The following GLUD1 variants were observed in gnomAD, a reference collection of about 807,000 sequenced individuals.
The protein encoded by GLUD1 is glutamate dehydrogenase 1.
A neutral mutation model predicts 56.0 loss-of-function variants in GLUD1; 22 were observed. That is an observed-to-expected ratio of 0.39 (90% CI 0.28 to 0.56). The LOEUF is 0.56. GLUD1 is among the 20% of genes least tolerant of loss of function. The pLI, the probability that GLUD1 is intolerant of heterozygous loss-of-function variation, is 0.58. For synonymous variants in GLUD1, 223 were observed against 269.9 expected (o/e 0.83, Z 1.70); for missense variants, 451 against 732.0 (o/e 0.62, Z 4.43).
At chr10:87,057,445 C>T (rs564330077) in intron 11 of GLUD1, among the ~76,000 whole-genome samples, 69 of 152,294 alleles carry the variant, frequency 4.5e-4, no homozygotes, top group African/African-American at 1.6e-3. Flanking sequence ...AATAATCCTT[C>T]ACTGTTAAAA....
intron 4 of GLUD1, among the ~76,000 whole-genome samples, chr10:87,070,886 T>C (rs1294320905): frequency 6.6e-6 from 1 of 151,926 alleles, no homozygotes; most frequent in Non-Finnish European, 1.5e-5. Flanking sequence ...TCCTAGCACT[T>C]TGGGAGGCCG....
chr10:87,080,863 C>A (rs1463008275), intron 1 of GLUD1, among the ~76,000 whole-genome samples: 1 of 150,754 alleles, frequency 6.6e-6, no homozygotes. Flanking sequence ...GTCAGCCCCC[C>A]GCCCGGCCAG....
At chr10:87,074,017 TA>T (rs916733442) in intron 4 of GLUD1, among the ~76,000 whole-genome samples, 4 of 151,702 alleles carry the variant, frequency 2.6e-5, no homozygotes, top group East Asian at 1.9e-4. Context: ...CCTTCTAGAT[TA>T]AAAAAAATAT....
At chr10:87,074,332 C>T (rs1846322969) in intron 4 of GLUD1, among the ~76,000 whole-genome samples, 1 of 152,092 alleles carries the variant, frequency 6.6e-6, no homozygotes, top group African/African-American at 2.4e-5. Flanking sequence ...AAAGCCCCAT[C>T]TCCAGTAAAA....
At chr10:87,081,946 C>CAAAAAAAAAAAAAA (rs71019464) in intron 1 of GLUD1, among the ~76,000 whole-genome samples, 11 of 85,636 alleles carry the variant, frequency 1.3e-4, no homozygotes, top group East Asian at 4.8e-4. Flanking sequence ...ATGATCAATA[C>CAAAAAAAAAAAAAA]AAAAAAAAAA....
In GLUD1 at chr10:87,071,727, G is replaced by A. The variant is rs542382770; in HGVS notation, c.646+2824C>T. Among the ~76,000 whole-genome samples the A allele has an allele frequency of 1.7e-4, 26 of 152,254 alleles. No individual in the cohort carries two copies. In the East Asian group the frequency reaches 2.9e-3, roughly 17 times the overall value. ...CAAAAGCTTTTCCAAAAGCAGAAGA[G>A]GAAGGAACACTCCTCAACTCATTCC... On this transcript the variant is annotated intron_variant, in intron 4 of 12. Transcript: ENST00000277865.
intron 3 of GLUD1, 56 bp from the exon 4 acceptor site, chr10:87,074,670 A>T: frequency 1.1e-6 from 1 of 933,984 alleles, no homozygotes; most frequent in Non-Finnish European, 1.8e-6. Flanking sequence ...ATCGCTTGAG[A>T]TTATAGCTAG....
intron 12 of GLUD1, 34 bp downstream of exon 12, chr10:87,053,308 C>G (rs1845687674): frequency 6.8e-7 from 1 of 1,479,952 alleles, no homozygotes; most frequent in African/African-American, 1.4e-5. Flanking sequence ...CTTCATGTGA[C>G]TAGCTGGAAG....
At chr10:87,055,528 T>C (rs1214880193) in intron 11 of GLUD1, among the ~76,000 whole-genome samples, 1 of 152,168 alleles carries the variant, frequency 6.6e-6, no homozygotes, top group Non-Finnish European at 1.5e-5. Flanking sequence ...GTCCTTCCGA[T>C]GCACTGCTAG....
chr10:87,074,121 A>G (rs1360252441), intron 4 of GLUD1, among the ~76,000 whole-genome samples: 1 of 152,196 alleles, frequency 6.6e-6, no homozygotes, highest in Non-Finnish European at 1.5e-5. Flanking sequence ...AAATATAAAC[A>G]CAGATAATAG....
At chr10:87,052,473 C>T (rs188538162) in intron 12 of GLUD1, among the ~76,000 whole-genome samples, 14 of 151,570 alleles carry the variant, frequency 9.2e-5, no homozygotes, top group South Asian at 2.1e-4. Flanking sequence ...GGTGACAGAG[C>T]GAAACTCCAT....
In GLUD1 at chr10:87,094,117, G is replaced by A; in HGVS notation, c.445+208C>T. 6.7e-7 allele frequency: 1 copy of A among 1,486,840 alleles called. No homozygotes were observed. The highest frequency in any genetic ancestry group is 8.9e-7 in the Non-Finnish European group (1 of 1,118,632). 92.1% of individuals were successfully genotyped at this position (1,486,840 alleles called of 1,614,324 possible). The stretch of plus-strand genomic sequence containing the variant: ...GCCCGGGGTGACGGCGCGGGGGAGG[G>A]GGCAGGCCAATCGCATGATGATTTT... On this transcript the variant is annotated intron_variant, in intron 1 of 12. Transcript: ENST00000277865. This position sits in a 1 kb window ranked among gnomAD's most constrained non-coding sequence, Gnocchi z 6.6.
At chr10:87,080,270 CGTGATCTCG>C (rs1564560147) in intron 1 of GLUD1, among the ~76,000 whole-genome samples, 1 of 151,828 alleles carries the variant, frequency 6.6e-6, no homozygotes, top group Non-Finnish European at 1.5e-5. Context: ...AGTGCAGTGG[CGTGATCTCG>C]GCTCGCTACA....
intron 1 of GLUD1, chr10:87,092,724 C>G: frequency 3.5e-6 from 1 of 283,572 alleles, no homozygotes; most frequent in Non-Finnish European, 5.3e-6. Context: ...ACTGATTTAT[C>G]TGTACACCTT....
At position 87,050,273 on chromosome 10, in the gene GLUD1, A is replaced by G. The variant is rs1206974788; in HGVS notation, c.*1478T>C. 2.0e-5 allele frequency among the ~76,000 whole-genome samples: 3 copies of G among 152,038 alleles called. No individual in the cohort carries two copies. Among genetic ancestry groups the G allele is most frequent in the South Asian group, 4.2e-4 (2 of 4,810 alleles). Reference sequence around the variant, plus strand: ...GACTATGCTTTCAGGGATCATTTCTATAGTTCGTTACTCGGGAAGTTTCTC... The same window carrying G: ...GACTATGCTTTCAGGGATCATTTCTGTAGTTCGTTACTCGGGAAGTTTCTC... On this transcript the variant is annotated 3_prime_UTR_variant, in exon 13 of 13. Transcript: ENST00000277865.
intron 11 of GLUD1, among the ~76,000 whole-genome samples, chr10:87,057,059 C>T (rs530083708): frequency 6.6e-5 from 10 of 152,160 alleles, no homozygotes; most frequent in Admixed American, 1.3e-4. Context: ...GGTGCAATCT[C>T]GGCTAACTGC....
chr10:87,088,331 T>TA (rs1564565547), intron 1 of GLUD1, among the ~76,000 whole-genome samples: 1 of 151,778 alleles, frequency 6.6e-6, no homozygotes, highest in South Asian at 2.1e-4. Context: ...TTCCAAGAAA[T>TA]AAAAAAATTC....
intron 5 of GLUD1, among the ~76,000 whole-genome samples, chr10:87,064,114 T>C (rs1282676694): frequency 6.6e-6 from 1 of 152,090 alleles, no homozygotes; most frequent in African/African-American, 2.4e-5. Context: ...AGTAACATCC[T>C]GTGTTAGTCA....
intron 1 of GLUD1, among the ~76,000 whole-genome samples, chr10:87,084,295 A>C (rs1841332383): frequency 6.6e-6 from 1 of 152,256 alleles, no homozygotes; most frequent in Non-Finnish European, 1.5e-5. Context: ...ATATTAGTGA[A>C]ATGCAGACAT....
Sources: gnomAD v4.1 joint callset for allele counts (sites outside exome capture counted in the v4.1 genomes callset) on GRCh38, gnomAD v4.1.1 for gene constraint, Gnocchi (gnomAD v3.1) non-coding constraint, MANE v1.5 for transcripts, NCBI Gene and HGNC (gene_info 2026-07-23, HGNC 2026-07-21) for gene names.